The following PDE8A variants were observed in gnomAD, a reference collection of about 807,000 sequenced individuals.
PDE8A encodes high affinity cAMP-specific and IBMX-insensitive 3',5'-cyclic phosphodiesterase 8A.
A neutral mutation model predicts 105.0 loss-of-function variants in PDE8A; 59 were observed. The observed-to-expected ratio is 0.56, with a 90% confidence interval of 0.46 to 0.70. The LOEUF is 0.70. PDE8A is among the 30% of genes least tolerant of loss of function. The pLI, the probability that PDE8A is intolerant of heterozygous loss-of-function variation, is 0.00. For synonymous variants in PDE8A, 355 were observed against 371.9 expected, an observed-to-expected ratio of 0.95 and a Z score of 0.52; for missense variants, 1,014 against 1,045.9, an observed-to-expected ratio of 0.97 and a Z score of 0.42.
In PDE8A at chr15:85,047,061, A is replaced by G. The variant is rs563358532; in HGVS notation, c.187-17309A>G. 1.9e-4 allele frequency among the ~76,000 whole-genome samples: 29 copies of G among 152,340 alleles called. No homozygotes were observed. In the East Asian group the frequency reaches 5.4e-3, roughly 28 times the overall value. ...ACGTGTATAATTACTGATATCAGCT[A>G]TTGAACATACTTTTGTTTCTATATT... On this transcript the variant is annotated intron_variant, in intron 1 of 21. Coordinates refer to ENST00000394553, the MANE Select transcript of PDE8A (RefSeq NM_002605.3).
intron 1 of PDE8A, among the ~76,000 whole-genome samples, chr15:85,006,360 GTC>G (rs1352866720): frequency 1.1e-4 from 17 of 152,330 alleles, no homozygotes; most frequent in Non-Finnish European, 2.2e-4. Context: ...GGTGGTGAAT[GTC>G]TCTCAGTGCA....
At chr15:85,104,277 G>T (rs1260558880) in intron 11 of PDE8A, among the ~76,000 whole-genome samples, 1 of 152,182 alleles carries the variant, frequency 6.6e-6, no homozygotes, top group African/African-American at 2.4e-5. Flanking sequence ...ATGCTTCCCA[G>T]CAATGATGAT....
intron 1 of PDE8A, among the ~76,000 whole-genome samples, chr15:85,057,302 C>T (rs1459010414): frequency 2.0e-5 from 3 of 152,206 alleles, no homozygotes; most frequent in Non-Finnish European, 4.4e-5. Context: ...AGATCTCGAA[C>T]TCCGTGCTGG....
At chr15:85,115,265 G>A (rs1484819622) in intron 14 of PDE8A, 174 bp from the exon 15 acceptor site, 1 of 564,472 alleles carries the variant, frequency 1.8e-6, no homozygotes, top group Non-Finnish European at 3.1e-6. Flanking sequence ...TCTCCAGTAA[G>A]TGACTGAGGT....
At chr15:85,006,435 C>T (rs569852373) in intron 1 of PDE8A, among the ~76,000 whole-genome samples, 12 of 152,164 alleles carry the variant, frequency 7.9e-5, no homozygotes, top group Admixed American at 7.9e-4. Flanking sequence ...TCCAGGCACT[C>T]AGTTAGTTTG....
intron 1 of PDE8A, among the ~76,000 whole-genome samples, chr15:84,994,341 A>T (rs2079940477): frequency 1.3e-5 from 2 of 152,252 alleles, no homozygotes; most frequent in South Asian, 4.1e-4. Context: ...TTATTGAGTT[A>T]TAAATGTAAT....
chr15:85,130,925 A>C (rs1320671025), intron 20 of PDE8A, among the ~76,000 whole-genome samples: 1 of 151,822 alleles, frequency 6.6e-6, no homozygotes, highest in Non-Finnish European at 1.5e-5. Flanking sequence ...ATGCCTGGCT[A>C]ATTTTTGTGT....
chr15:85,108,454 C>T (rs2081976400), intron 11 of PDE8A, among the ~76,000 whole-genome samples: 1 of 152,062 alleles, frequency 6.6e-6, no homozygotes, highest in African/African-American at 2.4e-5. Flanking sequence ...TCAGAGTTGC[C>T]TTGTCAGTGA....
At chr15:85,083,308 C>T (rs570166663) in intron 5 of PDE8A, among the ~76,000 whole-genome samples, 66 of 130,518 alleles carry the variant, frequency 5.1e-4, no homozygotes, top group African/African-American at 2.4e-3. Flanking sequence ...GAAAGAAAAG[C>T]CTTTTTTTTT....
Position 85,009,106 on chromosome 15 carries a change from AGAGAGTGTGTGTGT to A in PDE8A, c.186+26760_186+26773del, listed in dbSNP as rs990865001. ...GTTAGTGTGTGAGAGAGAGAGAGAG[AGAGAGTGTGTGTGT>A]GTGTGTGTGTGTGTGTGTGTGTGTG... On this transcript the variant is annotated intron_variant, in intron 1 of 21. Transcript: ENST00000394553. Among the ~76,000 whole-genome samples, 46 of 25,994 alleles carry A rather than the reference AGAGAGTGTGTGTGT, an allele frequency of 1.8e-3. 1 individual carries two copies. Among genetic ancestry groups the A allele is most frequent in the South Asian group, 0.012 (10 of 826 alleles). The allele number at this position is 25,994 out of a possible 152,430, so 17.1% of individuals were successfully genotyped here.
At chr15:85,033,080 T>C (rs1354588112) in intron 1 of PDE8A, among the ~76,000 whole-genome samples, 1 of 152,146 alleles carries the variant, frequency 6.6e-6, no homozygotes, top group East Asian at 1.9e-4. Context: ...TTGGGAGATA[T>C]CTGAAACCCC....
At chr15:85,040,565 T>A (rs1383095658) in intron 1 of PDE8A, among the ~76,000 whole-genome samples, 1 of 148,282 alleles carries the variant, frequency 6.7e-6, no homozygotes, top group East Asian at 1.9e-4. Flanking sequence ...CTTATGTATT[T>A]TTTTTTTTTT....
At chr15:85,109,917 G>T (rs554740874) in intron 12 of PDE8A, among the ~76,000 whole-genome samples, 1 of 152,276 alleles carries the variant, frequency 6.6e-6, no homozygotes, top group East Asian at 1.9e-4. Flanking sequence ...GTGAGGAAGC[G>T]GTATGGGGTT....
At chr15:85,061,016 ATTTTGTTTTTGT>A (rs999968366) in intron 1 of PDE8A, among the ~76,000 whole-genome samples, 14 of 151,494 alleles carry the variant, frequency 9.2e-5, no homozygotes, top group South Asian at 4.2e-4. Flanking sequence ...GGTTTGTTTT[ATTTTGTTTTTGT>A]TTTTGTTTTT....
intron 1 of PDE8A, among the ~76,000 whole-genome samples, chr15:85,053,839 A>C (rs1304990950): frequency 7.3e-6 from 1 of 137,114 alleles, no homozygotes; most frequent in East Asian, 2.1e-4. Context: ...CCCTGGCCAG[A>C]ACTTCCAACA....
At chr15:85,072,040 A>G (rs2081319219) in intron 3 of PDE8A, among the ~76,000 whole-genome samples, 1 of 152,210 alleles carries the variant, frequency 6.6e-6, no homozygotes, top group African/African-American at 2.4e-5. Context: ...TTGAAAACCC[A>G]AAACGCATTA....
intron 1 of PDE8A, among the ~76,000 whole-genome samples, chr15:85,026,141 G>A (rs1462967527): frequency 6.6e-6 from 1 of 152,142 alleles, no homozygotes; most frequent in Non-Finnish European, 1.5e-5. Context: ...TATTGTTCCA[G>A]TTAAATTGCT....
chr15:85,065,762 A>T (rs1287691804), intron 2 of PDE8A, among the ~76,000 whole-genome samples: 2 of 152,226 alleles, frequency 1.3e-5, no homozygotes, highest in African/African-American at 2.4e-5. Flanking sequence ...TTCTGAAGGG[A>T]TGGAGCACGG....
In PDE8A at chr15:85,045,494, C is replaced by G. The variant is rs2080873246; in HGVS notation, c.187-18876C>G. ...ACCATACTTCTCTGAGTGTCAGCTT[C>G]TTCATCAATAAAATGGAGTTAATGA... On this transcript the variant is annotated intron_variant, in intron 1 of 21. Transcript: ENST00000394553. Among the ~76,000 whole-genome samples, 3 of 152,212 alleles carry G rather than the reference C, an allele frequency of 2.0e-5. No homozygotes were observed. In the South Asian group the frequency reaches 6.2e-4, roughly 32 times the overall value.
Sources: allele counts gnomAD v4.1 joint callset (sites outside exome capture counted in the v4.1 genomes callset), GRCh38; gene constraint gnomAD v4.1.1; transcripts MANE v1.5; gene names NCBI Gene and HGNC (gene_info 2026-07-23, HGNC 2026-07-21).